Variants in CNTNAP2 observed in about 807,000 individuals in gnomAD.
CNTNAP2 encodes the protein contactin associated protein 2.
A neutral mutation model predicts 155.2 loss-of-function variants in CNTNAP2; 98 were observed. The ratio of observed to expected loss-of-function variants is 0.63; its 90% CI spans 0.54 to 0.75. CNTNAP2 has a LOEUF of 0.75. CNTNAP2 is among the 30% of genes least tolerant of loss of function. The pLI is 0.00. For missense variants in CNTNAP2, 1,727 were observed against 1,688.1 expected (o/e 1.02, Z -0.40); for synonymous variants, 651 against 631.2 (o/e 1.03, Z -0.47).
chr7:147,921,697 T>G, intron 14 of CNTNAP2, among the ~76,000 whole-genome samples: 1 of 152,190 alleles, frequency 6.6e-6, no homozygotes, highest in Non-Finnish European at 1.5e-5. Context: ...AAAATGAGAA[T>G]AGTAATATTA....
intron 3 of CNTNAP2, among the ~76,000 whole-genome samples, chr7:146,899,802 G>A (rs974339576): frequency 1.3e-5 from 2 of 152,142 alleles, no homozygotes; most frequent in Non-Finnish European, 2.9e-5. Flanking sequence ...AGGAATCTTT[G>A]TCAGAACCAT....
chr7:147,903,017 T>C (rs1431278426), intron 13 of CNTNAP2, among the ~76,000 whole-genome samples: 2 of 131,470 alleles, frequency 1.5e-5, no homozygotes, highest in Non-Finnish European at 1.7e-5. Flanking sequence ...GATCAAGTGG[T>C]AGTTCTACTT....
At chr7:146,931,747 A>C (rs1352608820) in intron 3 of CNTNAP2, among the ~76,000 whole-genome samples, 2 of 150,024 alleles carry the variant, frequency 1.3e-5, no homozygotes, top group African/African-American at 2.5e-5. Flanking sequence ...AAAAATGATA[A>C]AGGGGATATC....
intron 1 of CNTNAP2, among the ~76,000 whole-genome samples, chr7:146,749,682 T>C (rs1801870589): frequency 6.6e-6 from 1 of 150,976 alleles, no homozygotes; most frequent in African/African-American, 2.5e-5. Context: ...TGAGTGAAGC[T>C]ATAGAGGAAA....
At chr7:147,883,989 A>G (rs1799565407) in intron 13 of CNTNAP2, among the ~76,000 whole-genome samples, 1 of 152,236 alleles carries the variant, frequency 6.6e-6, no homozygotes, top group South Asian at 2.1e-4. Context: ...AGATAAATAA[A>G]GTAGGATAAG....
At chr7:147,420,436 G>A (rs1563197997) in intron 10 of CNTNAP2, among the ~76,000 whole-genome samples, 1 of 152,190 alleles carries the variant, frequency 6.6e-6, no homozygotes, top group Non-Finnish European at 1.5e-5. Flanking sequence ...AATGAGGTTA[G>A]AGATGGGATG....
chr7:148,197,747 C>T (rs1795299346), intron 18 of CNTNAP2, among the ~76,000 whole-genome samples: 2 of 152,168 alleles, frequency 1.3e-5, no homozygotes, highest in South Asian at 2.1e-4. Context: ...TTCTATCAGC[C>T]GATCATCATC....
Position 146,600,496 on chromosome 7 carries a change from G to A in CNTNAP2, c.98-173775G>A, listed in dbSNP as rs532996113. On this transcript the variant is annotated intron_variant, in intron 1 of 23. Coordinates refer to ENST00000361727, the MANE Select transcript of CNTNAP2 (RefSeq NM_014141.6). ...CCGATGCATTTTTTCTCCATTTTTT[G>A]CACACATAATCATATTCTAAAAGGT... is the stretch of plus-strand genomic sequence containing the variant. Among the ~76,000 whole-genome samples the A allele has an allele frequency of 5.3e-5, 8 of 151,932 alleles. No individual in the cohort carries two copies. The South Asian group carries it at 1.2e-3, about 24-fold the overall frequency.
intron 8 of CNTNAP2, among the ~76,000 whole-genome samples, chr7:147,171,799 A>G (rs2116477889): frequency 6.6e-6 from 1 of 152,262 alleles, no homozygotes; most frequent in East Asian, 1.9e-4. Flanking sequence ...TGATTAAAAT[A>G]GCATCAGGAA....
intron 4 of CNTNAP2, among the ~76,000 whole-genome samples, chr7:147,096,858 C>A (rs189395848): frequency 6.6e-6 from 1 of 152,172 alleles, no homozygotes; most frequent in African/African-American, 2.4e-5. Flanking sequence ...GGTGTGTTCA[C>A]GAGCAGACCA....
intron 3 of CNTNAP2, among the ~76,000 whole-genome samples, chr7:146,995,496 T>A (rs1406031223): frequency 6.6e-6 from 1 of 152,062 alleles, no homozygotes; most frequent in Non-Finnish European, 1.5e-5. Flanking sequence ...TGCCAACACT[T>A]GTTATCTTTT....
At chr7:148,076,096 A>T (rs546786831) in intron 15 of CNTNAP2, among the ~76,000 whole-genome samples, 44 of 152,346 alleles carry the variant, frequency 2.9e-4, no homozygotes, top group African/African-American at 1.1e-3. Context: ...GACTTAAGTT[A>T]TTACAGAAAA....
chr7:147,360,156 CT>C (rs1419821246), intron 9 of CNTNAP2, among the ~76,000 whole-genome samples: 21 of 152,232 alleles, frequency 1.4e-4, no homozygotes, highest in African/African-American at 4.8e-4. Flanking sequence ...TGGCTTCAAG[CT>C]TTGACCTAAT....
intron 1 of CNTNAP2, among the ~76,000 whole-genome samples, chr7:146,454,169 C>T (rs1796522134): frequency 6.6e-6 from 1 of 152,122 alleles, no homozygotes; most frequent in Non-Finnish European, 1.5e-5. Flanking sequence ...GTGACATACA[C>T]AAAATGGCTG....
At chr7:146,865,888 A>T (rs1327994245) in intron 3 of CNTNAP2, among the ~76,000 whole-genome samples, 1 of 152,192 alleles carries the variant, frequency 6.6e-6, no homozygotes, top group Non-Finnish European at 1.5e-5. Context: ...CCTTGTATAC[A>T]GAAACACAAT....
intron 12 of CNTNAP2, among the ~76,000 whole-genome samples, chr7:147,632,783 T>C (rs751176784): frequency 2.6e-5 from 4 of 151,964 alleles, no homozygotes; most frequent in Non-Finnish European, 5.9e-5. Flanking sequence ...TGTGGGAAAG[T>C]TTGGAGACTT....
At chr7:147,369,019 T>G (rs1796293502) in intron 9 of CNTNAP2, among the ~76,000 whole-genome samples, 1 of 152,156 alleles carries the variant, frequency 6.6e-6, no homozygotes, top group Non-Finnish European at 1.5e-5. Flanking sequence ...TGAAATTAGG[T>G]CACAAGTAGT....
intron 14 of CNTNAP2, among the ~76,000 whole-genome samples, chr7:147,936,111 G>A (rs942054473): frequency 6.6e-6 from 1 of 152,062 alleles, no homozygotes; most frequent in African/African-American, 2.4e-5. Context: ...AAATATATAT[G>A]TTGGTTTTTA....
In CNTNAP2 at chr7:146,541,753, G is replaced by A. The variant is rs192655779; in HGVS notation, c.98-232518G>A. ...AAGCTGAGGCTTCCTTCTCATCACT[G>A]AAGAAGACAAGGAGACAAGAAGCAC... On this transcript the variant is annotated intron_variant, in intron 1 of 23. Transcript: ENST00000361727. Among the ~76,000 whole-genome samples the A allele has an allele frequency of 2.3e-3, 352 of 152,028 alleles. 4 individuals carry two copies. Among genetic ancestry groups the A allele is most frequent in the African/African-American group, 8.1e-3 (337 of 41,516 alleles).
Sources: gnomAD v4.1 joint callset for allele counts (sites outside exome capture counted in the v4.1 genomes callset) on GRCh38, gnomAD v4.1.1 for gene constraint, MANE v1.5 for transcripts, NCBI Gene and HGNC (gene_info 2026-07-23, HGNC 2026-07-21) for gene names.